Variants in SGIP1 observed in about 807,000 individuals in gnomAD.
SGIP1 encodes the protein SH3GL interacting endocytic adaptor 1.
A neutral mutation model predicts 107.5 loss-of-function variants in SGIP1; 38 were observed. The ratio of observed to expected loss-of-function variants is 0.35; its 90% confidence interval spans 0.27 to 0.46. SGIP1 has a LOEUF of 0.46. SGIP1 is among the 20% of genes least tolerant of loss of function. The pLI, the probability that SGIP1 is intolerant of heterozygous loss-of-function variation, is 1.00. For synonymous variants in SGIP1, 365 were observed against 366.1 expected, an observed-to-expected ratio of 1.00 and a Z score of 0.03; for missense variants, 929 against 1,019.5, an observed-to-expected ratio of 0.91 and a Z score of 1.21.
In SGIP1 at chr1:66,534,242, A is replaced by C; in HGVS notation, c.-117A>C. On this transcript the variant is annotated 5_prime_UTR_variant, in exon 1 of 25. Transcript: ENST00000371037. Reference sequence around the variant, plus strand: ...TTAACACTTATCTCCTTTGGCTTTGACAGCGGACGGAATAGACCTCAGCAG... The same window carrying C: ...TTAACACTTATCTCCTTTGGCTTTGCCAGCGGACGGAATAGACCTCAGCAG... The C allele has an allele frequency of 9.2e-7, 1 of 1,092,054 alleles. No individual in the cohort carries two copies. The highest frequency in any genetic ancestry group is 1.4e-6 in the Non-Finnish European group (1 of 711,370). The allele number at this position is 1,092,054 out of a possible 1,614,324, so 67.6% of individuals were successfully genotyped here. A position where few individuals can be genotyped will look rare whatever the true frequency, so the allele number is the denominator to read the frequency against.
intron 1 of SGIP1, among the ~76,000 whole-genome samples, chr1:66,562,229 C>A (rs988227115): frequency 6.6e-6 from 1 of 151,894 alleles, no homozygotes; most frequent in Non-Finnish European, 1.5e-5. Context: ...TTTTGGAGAG[C>A]GGCAACTTCT....
intron 1 of SGIP1, among the ~76,000 whole-genome samples, chr1:66,544,222 TG>T (rs1271963079): frequency 1.3e-5 from 2 of 152,200 alleles, no homozygotes; most frequent in Non-Finnish European, 2.9e-5. Context: ...TTCTTGAACA[TG>T]TATGGCATCA....
At chr1:66,564,613 C>T (rs2059404334) in intron 1 of SGIP1, among the ~76,000 whole-genome samples, 1 of 151,900 alleles carries the variant, frequency 6.6e-6, no homozygotes, top group Non-Finnish European at 1.5e-5. Flanking sequence ...CCCAAAGATG[C>T]CCTGCAGTCG....
chr1:66,554,094 A>G (rs1311656074), intron 1 of SGIP1, among the ~76,000 whole-genome samples: 1 of 152,128 alleles, frequency 6.6e-6, no homozygotes, highest in Non-Finnish European at 1.5e-5. Flanking sequence ...ACTTTGTTCC[A>G]TTACCACTGA....
chr1:66,724,744 A>C (rs1201854084), intron 19 of SGIP1, among the ~76,000 whole-genome samples: 1 of 152,194 alleles, frequency 6.6e-6, no homozygotes, highest in Non-Finnish European at 1.5e-5. Flanking sequence ...CCCCTGTCTG[A>C]CTTGCTTTCA....
chr1:66,706,491 A>G (rs2092528264), intron 18 of SGIP1, among the ~76,000 whole-genome samples: 2 of 148,176 alleles, frequency 1.3e-5, no homozygotes, highest in Admixed American at 6.8e-5. Context: ...AATATTTATG[A>G]CAGTTGATAT....
intron 15 of SGIP1, among the ~76,000 whole-genome samples, chr1:66,685,761 C>A (rs2088057479): frequency 6.6e-6 from 1 of 152,184 alleles, no homozygotes; most frequent in Non-Finnish European, 1.5e-5. Flanking sequence ...ATAAAAAGTT[C>A]ATTCTTTAGA....
chr1:66,660,650 C>G lies in SGIP1; in HGVS notation c.471+126C>G, dbSNP rs1557509002. On this transcript the variant is annotated intron_variant, in intron 8 of 24. Transcript: ENST00000371037. ...AAGGTTTTGAACTTTAAAAACAAAT[C>G]TTTGCGAACCATGACCAGGTCTCAT... 24 of 925,804 alleles carry G rather than the reference C, an allele frequency of 2.6e-5. No individual in the cohort carries two copies. In the South Asian group the frequency reaches 3.4e-4, roughly 13 times the overall value. The allele number at this position is 925,804 out of a possible 1,614,324, so 57.3% of individuals were successfully genotyped here.
intron 1 of SGIP1, among the ~76,000 whole-genome samples, chr1:66,605,364 A>G (rs1001264971): frequency 6.6e-6 from 1 of 152,080 alleles, no homozygotes; most frequent in Non-Finnish European, 1.5e-5. Flanking sequence ...ACCTTACCCC[A>G]GGTACCTCCC....
rs949595959 is a variant in SGIP1, at chr1:66,687,446, C to CT, written c.1316-1692dup. On this transcript the variant is annotated intron_variant, in intron 15 of 24. Coordinates refer to ENST00000371037, the MANE Select transcript of SGIP1 (RefSeq NM_032291.4). Reference sequence around the variant, plus strand: ...TGTAGTGGGGCCTGTCAAAACATACCTTTTTTTTTTAAGAGAAGACTAGCC... The same window carrying CT: ...TGTAGTGGGGCCTGTCAAAACATACCTTTTTTTTTTTAAGAGAAGACTAGCC... 3.6e-3 allele frequency among the ~76,000 whole-genome samples: 529 copies of CT among 148,914 alleles called. 3 individuals are homozygous for CT. Among genetic ancestry groups the CT allele is most frequent in the African/African-American group, 0.011 (447 of 40,680 alleles).
At chr1:66,691,277 G>T (rs1436688825) in intron 17 of SGIP1, among the ~76,000 whole-genome samples, 1 of 152,184 alleles carries the variant, frequency 6.6e-6, no homozygotes, top group Non-Finnish European at 1.5e-5. Context: ...AGAGCAGTCT[G>T]CCCAGTTGCC....
At chr1:66,608,096 A>G (rs1420105923) in intron 1 of SGIP1, among the ~76,000 whole-genome samples, 3 of 152,212 alleles carry the variant, frequency 2.0e-5, no homozygotes, top group South Asian at 2.1e-4. Flanking sequence ...CAAGAGTCCA[A>G]ATGTGACCCA....
intron 1 of SGIP1, among the ~76,000 whole-genome samples, chr1:66,612,858 G>A (rs943996746): frequency 6.6e-6 from 1 of 152,128 alleles, no homozygotes; most frequent in African/African-American, 2.4e-5. Flanking sequence ...GTCAACATTG[G>A]TATATTTACA....
At chr1:66,602,209 A>G (rs2065971014) in intron 1 of SGIP1, among the ~76,000 whole-genome samples, 2 of 152,204 alleles carry the variant, frequency 1.3e-5, no homozygotes, top group African/African-American at 4.8e-5. Context: ...GAAAGATTCA[A>G]AGTTTGGGTG....
chr1:66,670,601 A>G (rs987352916), intron 9 of SGIP1, among the ~76,000 whole-genome samples: 5 of 152,240 alleles, frequency 3.3e-5, no homozygotes, highest in Non-Finnish European at 7.3e-5. Context: ...GGCAAGGAGC[A>G]TGCACTACTC....
chr1:66,685,276 C>T (rs891259606), intron 15 of SGIP1, among the ~76,000 whole-genome samples: 2 of 152,186 alleles, frequency 1.3e-5, no homozygotes, highest in African/African-American at 2.4e-5. Context: ...CAAGTATAGA[C>T]AGTACTGATA....
At position 66,583,912 on chromosome 1, in the gene SGIP1, A is replaced by T. The variant is rs115203160; in HGVS notation, c.11-41935A>T. On this transcript the variant is annotated intron_variant, in intron 1 of 24. Transcript: ENST00000371037. ...TTTGGTTCATAAAGGTTAATGTTTC[A>T]TCTCTATGGTGAACTAAAAGTTGTA... Among the ~76,000 whole-genome samples, 890 of 152,254 alleles carry T rather than the reference A, an allele frequency of 5.8e-3. 7 individuals are homozygous for T. Among genetic ancestry groups the T allele is most frequent in the African/African-American group, 0.018 (755 of 41,564 alleles).
intron 1 of SGIP1, among the ~76,000 whole-genome samples, chr1:66,596,349 G>A (rs907604239): frequency 1.3e-5 from 2 of 152,156 alleles, no homozygotes; most frequent in African/African-American, 4.8e-5. Context: ...TCCCCTACCA[G>A]AAGGCAGGAA....
chr1:66,538,139 C>G (rs2054070885), intron 1 of SGIP1, among the ~76,000 whole-genome samples: 1 of 152,066 alleles, frequency 6.6e-6, no homozygotes, highest in African/African-American at 2.4e-5. Context: ...CTTATAAACA[C>G]TAAGAACTTC....
Sources: allele counts gnomAD v4.1 joint callset (sites outside exome capture counted in the v4.1 genomes callset), GRCh38; gene constraint gnomAD v4.1.1; transcripts MANE v1.5; gene names NCBI Gene and HGNC (gene_info 2026-07-23, HGNC 2026-07-21).